Variants in ADAMTSL1 observed in about 807,000 individuals in gnomAD.
The protein encoded by ADAMTSL1 is ADAMTS-like protein 1.
In ADAMTSL1, 126 loss-of-function variants were observed where a neutral mutation model predicts 201.8. That is an observed-to-expected ratio of 0.62 (90% CI 0.54 to 0.72). ADAMTSL1 has a LOEUF of 0.72. ADAMTSL1 is among the 30% of genes least tolerant of loss of function. The pLI is 0.00. For synonymous variants in ADAMTSL1, 1,121 were observed against 903.4 expected (o/e 1.24, Z -4.32); for missense variants, 2,679 against 2,277.8 (o/e 1.18, Z -3.59).
chr9:18,389,429 T>C (rs980864897), intron 2 of ADAMTSL1, among the ~76,000 whole-genome samples: 1 of 152,188 alleles, frequency 6.6e-6, no homozygotes, highest in African/African-American at 2.4e-5. Context: ...TATCCTGAGT[T>C]ATGTAAAGAA....
At chr9:18,619,728 G>A (rs1391506849) in intron 4 of ADAMTSL1, among the ~76,000 whole-genome samples, 3 of 152,270 alleles carry the variant, frequency 2.0e-5, no homozygotes, top group Middle Eastern at 3.4e-3. Flanking sequence ...ATCAGAGTCC[G>A]TTAAAAATTT....
In ADAMTSL1 at chr9:18,720,949, T is replaced by C. The variant is rs573479635; in HGVS notation, c.1877-587T>C. On this transcript the variant is annotated intron_variant, in intron 14 of 28. Transcript: ENST00000380548. ...AGGTTGTTTTCCACGGCTGTGGTTA[T>C]TATGCATCTTATTCTCCTTCTTTGT... Among the ~76,000 whole-genome samples, 59 of 152,280 alleles carry C rather than the reference T, an allele frequency of 3.9e-4. No individual in the cohort carries two copies. The South Asian group carries it at 0.012, about 31-fold the overall frequency.
At chr9:18,690,874 A>G (rs1831171326) in intron 13 of ADAMTSL1, among the ~76,000 whole-genome samples, 2 of 152,200 alleles carry the variant, frequency 1.3e-5, no homozygotes, top group Admixed American at 1.3e-4. Context: ...GAGAGCCACT[A>G]GACTTGCTAA....
chr9:18,618,189 T>C (rs1158129486), intron 4 of ADAMTSL1, among the ~76,000 whole-genome samples: 1 of 152,216 alleles, frequency 6.6e-6, no homozygotes, highest in Non-Finnish European at 1.5e-5. Context: ...CTTGCTGTCA[T>C]TTATGGTATG....
At chr9:18,843,431 T>C (rs1319205497) in intron 23 of ADAMTSL1, among the ~76,000 whole-genome samples, 10 of 150,994 alleles carry the variant, frequency 6.6e-5, no homozygotes, top group Non-Finnish European at 1.0e-4. Flanking sequence ...CTTCCCTTTG[T>C]GGGTAACCCG....
rs893323574 is a variant in ADAMTSL1, at chr9:18,108,196, A to T, written c.88-55666A>T. Among the ~76,000 whole-genome samples the T allele has an allele frequency of 1.7e-4, 21 of 125,544 alleles. 1 individual carries two copies. In the South Asian group the frequency reaches 4.9e-3, roughly 29 times the overall value. The allele number at this position is 125,544 out of a possible 152,430, so 82.4% of individuals were successfully genotyped here. A position where few individuals can be genotyped will look rare whatever the true frequency, so the allele number is the denominator to read the frequency against. ...TAACTCTTAAAAGCAAGAGTGTGGA[A>T]TTTTTTTTTTTTTTTTTTTTTTGAA... On this transcript the variant is annotated intron_variant, in intron 1 of 29. Coordinates refer to the ADAMTSL1 transcript ENST00000680146.
chr9:18,656,628 C>CAAAAAAAA (rs34965386), intron 7 of ADAMTSL1, among the ~76,000 whole-genome samples: 7,774 of 74,412 alleles, frequency 0.1, 399 homozygotes, highest in Non-Finnish European at 0.15. Flanking sequence ...GACTCCATCG[C>CAAAAAAAA]AAAAAAAAAA....
At chr9:18,651,825 G>A (rs1828282420) in intron 7 of ADAMTSL1, among the ~76,000 whole-genome samples, 1 of 151,922 alleles carries the variant, frequency 6.6e-6, no homozygotes, top group African/African-American at 2.4e-5. Context: ...TACAAAACTT[G>A]CTTTTATTAT....
chr9:18,709,791 C>G (rs1832445111), intron 14 of ADAMTSL1, among the ~76,000 whole-genome samples: 1 of 152,166 alleles, frequency 6.6e-6, no homozygotes, highest in Non-Finnish European at 1.5e-5. Flanking sequence ...TTGTATTGAA[C>G]TCCTAGACAG....
chr9:18,777,997 C>G (rs367609086), intron 19 of ADAMTSL1, 91 bp downstream of exon 19: 1 of 1,478,016 alleles, frequency 6.8e-7, no homozygotes, highest in Non-Finnish European at 9.0e-7. Flanking sequence ...CAAGGTGTTT[C>G]CAGGGGTAGG....
intron 1 of ADAMTSL1, among the ~76,000 whole-genome samples, chr9:17,976,301 A>C (rs752036979): frequency 6.6e-6 from 1 of 151,916 alleles, no homozygotes; most frequent in East Asian, 1.9e-4. Flanking sequence ...TTACATCTGT[A>C]TATCATTTTG....
intron 15 of ADAMTSL1, among the ~76,000 whole-genome samples, chr9:18,748,711 T>A (rs1387367821): frequency 6.6e-6 from 1 of 152,208 alleles, no homozygotes; most frequent in African/African-American, 2.4e-5. Flanking sequence ...AGTTTTTCAC[T>A]GCATACTACT....
chr9:17,934,245 C>G (rs1371767097), intron 1 of ADAMTSL1, among the ~76,000 whole-genome samples: 1 of 152,140 alleles, frequency 6.6e-6, no homozygotes, highest in Admixed American at 6.6e-5. Context: ...CCCCCATAAA[C>G]TCAGCTTCTG....
At position 18,674,687 on chromosome 9, in the gene ADAMTSL1, A is replaced by G. The variant is rs550738218; in HGVS notation, c.1086-1170A>G. Among the ~76,000 whole-genome samples the G allele has an allele frequency of 1.2e-3, 179 of 152,238 alleles. 1 individual carries two copies. Among genetic ancestry groups the G allele is most frequent in the African/African-American group, 4.1e-3 (171 of 41,554 alleles). On this transcript the variant is annotated intron_variant, in intron 9 of 28. Transcript: ENST00000380548. ...TATTTATATTGAATATATCAATATT[A>G]TATAGATATATAAATAGATGCATCC... is the stretch of plus-strand genomic sequence containing the variant.
chr9:18,589,130 G>A lies in ADAMTSL1; in HGVS notation c.474+14864G>A, dbSNP rs370004961. 3.7e-3 allele frequency among the ~76,000 whole-genome samples: 562 copies of A among 151,932 alleles called. 5 individuals are homozygous for A. Among genetic ancestry groups the A allele is most frequent in the South Asian group, 0.021 (101 of 4,812 alleles). ...GACCTCAGGTGATCTGCCCACCTTGGCCTCCCAAAGTGCTGGGATTACAGG... is the reference window on the plus strand; with the variant it reads ...GACCTCAGGTGATCTGCCCACCTTGACCTCCCAAAGTGCTGGGATTACAGG... On this transcript the variant is annotated intron_variant, in intron 4 of 28. Transcript: ENST00000380548.
chr9:18,063,854 G>T (rs1822573538), intron 1 of ADAMTSL1, among the ~76,000 whole-genome samples: 1 of 152,146 alleles, frequency 6.6e-6, no homozygotes, highest in Non-Finnish European at 1.5e-5. Flanking sequence ...TCTGCCTCTT[G>T]CTGTTGCAGA....
intron 2 of ADAMTSL1, among the ~76,000 whole-genome samples, chr9:18,430,671 C>T (rs1819447594): frequency 6.6e-6 from 1 of 152,296 alleles, no homozygotes; most frequent in East Asian, 1.9e-4. Context: ...TTCCTCTATA[C>T]CAGAGACACT....
Position 18,531,650 on chromosome 9 carries a change from A to G in ADAMTSL1, c.192-1597A>G, listed in dbSNP as rs557278026. ...TTTTCCTTCTGGTAACATTCTCAAG[A>G]CCTAATACAAATGCTATATGCATTT... is the stretch of plus-strand genomic sequence containing the variant. On this transcript the variant is annotated intron_variant, in intron 2 of 28. Coordinates refer to ENST00000380548, the MANE Select transcript of ADAMTSL1 (RefSeq NM_001040272.6). 2.4e-4 allele frequency among the ~76,000 whole-genome samples: 36 copies of G among 152,278 alleles called. No individual in the cohort carries two copies. In the Middle Eastern group the frequency reaches 0.01, roughly 43 times the overall value.
intron 13 of ADAMTSL1, among the ~76,000 whole-genome samples, chr9:18,701,601 C>T (rs1232214617): frequency 1.3e-5 from 2 of 152,230 alleles, no homozygotes; most frequent in African/African-American, 4.8e-5. Context: ...CACTCACATA[C>T]ACAAACATAC....
Sources: gnomAD v4.1 joint callset for allele counts (sites outside exome capture counted in the v4.1 genomes callset) on GRCh38, gnomAD v4.1.1 for gene constraint, MANE v1.5 for transcripts, NCBI Gene and HGNC (gene_info 2026-07-23, HGNC 2026-07-21) for gene names.